The following DOCK2 variants were observed in gnomAD, a reference collection of about 807,000 sequenced individuals.
DOCK2 encodes the protein dedicator of cytokinesis protein 2.
DOCK2 carries 87 observed loss-of-function variants against 248.9 expected under a neutral mutation model. That is an observed-to-expected ratio of 0.35 (90% CI 0.29 to 0.42). DOCK2 has a LOEUF of 0.42. DOCK2 is among the 10% of genes least tolerant of loss of function. The probability of loss-of-function intolerance (pLI) is 1.00; values close to 1 mark genes in which losing one functional copy is unlikely to be tolerated. For synonymous variants in DOCK2, 805 were observed against 821.6 expected, an observed-to-expected ratio of 0.98 and a Z score of 0.35; for missense variants, 1,747 against 2,300.2, an observed-to-expected ratio of 0.76 and a Z score of 4.92.
intron 34 of DOCK2, among the ~76,000 whole-genome samples, chr5:170,032,970 A>G (rs1756193568): frequency 6.6e-6 from 1 of 152,082 alleles, no homozygotes; most frequent in South Asian, 2.1e-4. Context: ...TGTGGGAAAA[A>G]TATCTCCCCT....
chr5:169,974,633 T>G lies in DOCK2; in HGVS notation c.2800-8435T>G, dbSNP rs146093580. On this transcript the variant is annotated intron_variant, in intron 27 of 51. Transcript: ENST00000520908. ...GTGGGAGCGGAGCTGCTTAGGATCC[T>G]TATCCAGAGCTCCATACCCTAGCAA... Among the ~76,000 whole-genome samples the G allele has an allele frequency of 6.5e-4, 99 of 152,272 alleles. No homozygotes were observed. In the East Asian group the frequency reaches 0.018, roughly 28 times the overall value.
chr5:169,708,374 G>A (rs1455749070), intron 15 of DOCK2, 107 bp downstream of exon 15: 9 of 1,119,278 alleles, frequency 8.0e-6, no homozygotes, highest in African/African-American at 1.6e-5. Context: ...CAACAGCCGT[G>A]TGAGGTTTGT....
chr5:170,008,477 C>G lies in DOCK2; in HGVS notation c.3073-20C>G, dbSNP rs752312092. On this transcript the variant is annotated intron_variant, in intron 30 of 51. Coordinates refer to ENST00000520908, the MANE Select transcript of DOCK2 (RefSeq NM_004946.3). ...GCTTCAGACCCTCTCCATAACTGTT[C>G]TCTGCTCTTTCATTTACAGCTGTGG... 4 of 1,613,598 alleles carry G rather than the reference C, an allele frequency of 2.5e-6. No homozygotes were observed. Among genetic ancestry groups the G allele is most frequent in the East Asian group, 2.2e-5 (1 of 44,876 alleles).
Position 170,057,612 on chromosome 5 carries a change from T to C in DOCK2, c.4413T>C (p.Thr1471=). The change falls in exon 44 of 52, where the codon ACT becomes ACC. Residue 1471 remains threonine, a synonymous_variant. Coordinates refer to ENST00000520908, the MANE Select transcript of DOCK2 (RefSeq NM_004946.3). The part of the protein sequence containing the change: ...SMWIERTSFV[T]AYKLPGILRW... ...GGATTGAGAGAACCTCCTTCGTGACTGCATACAAGCTGCCGGGGATCCTGC... is the reference window on the plus strand; with the variant it reads ...GGATTGAGAGAACCTCCTTCGTGACCGCATACAAGCTGCCGGGGATCCTGC... 6.2e-7 allele frequency: 1 copy of C among 1,614,146 alleles called. No individual in the cohort carries two copies. Among genetic ancestry groups the C allele is most frequent in the Non-Finnish European group, 8.5e-7 (1 of 1,179,994 alleles).
intron 1 of DOCK2, among the ~76,000 whole-genome samples, chr5:169,645,746 T>A (rs879611142): frequency 3.9e-5 from 6 of 152,042 alleles, no homozygotes; most frequent in Non-Finnish European, 5.9e-5. Flanking sequence ...GGTTTTAAAT[T>A]TTTATTTATT....
intron 27 of DOCK2, among the ~76,000 whole-genome samples, chr5:169,914,587 G>A (rs754659785): frequency 1.2e-4 from 18 of 152,202 alleles, no homozygotes; most frequent in Non-Finnish European, 2.2e-4. Flanking sequence ...CCTGCACAGT[G>A]TCTTAAAAAT....
At chr5:170,057,973 T>G (rs1157831047) in intron 44 of DOCK2, among the ~76,000 whole-genome samples, 1 of 152,120 alleles carries the variant, frequency 6.6e-6, no homozygotes, top group Non-Finnish European at 1.5e-5. Flanking sequence ...ACACAATCAT[T>G]AATCATTTCC....
At chr5:169,730,342 G>A (rs1017098012) in intron 22 of DOCK2, among the ~76,000 whole-genome samples, 4 of 152,212 alleles carry the variant, frequency 2.6e-5, no homozygotes, top group Non-Finnish European at 4.4e-5. Context: ...AAAGCTATGA[G>A]CAAGTGCTCT....
chr5:169,751,717 A>T (rs1473445), intron 23 of DOCK2, among the ~76,000 whole-genome samples: 14,380 of 152,216 alleles, frequency 0.094, 1,216 homozygotes, highest in Admixed American at 0.28. Flanking sequence ...TCGGCGTGGC[A>T]GCAGCTCACC....
At position 170,081,948 on chromosome 5, in the gene DOCK2, C is replaced by T. The variant is rs1355184956; in HGVS notation, c.5394C>T (p.Leu1798=). 2.5e-5 allele frequency: 41 copies of T among 1,614,032 alleles called. 1 individual carries two copies. Among genetic ancestry groups the T allele is most frequent in the Non-Finnish European group, 3.3e-5 (39 of 1,180,022 alleles). The change falls in exon 51 of 52, where the codon CTC becomes CTT. Residue 1798 remains leucine (L), a synonymous_variant. Transcript: ENST00000520908. ...TCTCAGATGGTGACAAGAAGACACT[C>T]ACACGGAAGAAGGTCAATCAGTTCT... The part of the protein sequence containing the change: ...LQLSDGDKKT[L]TRKKVNQFFK...
intron 41 of DOCK2, among the ~76,000 whole-genome samples, chr5:170,052,244 A>G (rs1367798466): frequency 6.6e-6 from 1 of 152,182 alleles, no homozygotes; most frequent in East Asian, 1.9e-4. Context: ...TACCTGCTCT[A>G]CCATGGTTAT....
At chr5:169,999,275 C>A (rs916651399) in intron 30 of DOCK2, among the ~76,000 whole-genome samples, 1 of 152,176 alleles carries the variant, frequency 6.6e-6, no homozygotes, top group African/African-American at 2.4e-5. Context: ...TACTTCATCT[C>A]TATGTGCCTC....
rs1757760417 is a variant in DOCK2 at position 170,073,971 on chromosome 5, T to TCTGTGGAAGAGGTGGG, written c.4729-1976_4729-1975insCTGTGGAAGAGGTGGG. ...CTCTCACCTTTATTATTTTCATTCC[T>TCTGTGGAAGAGGTGGG]TTTCTCCCTTTGAATTTAGTTCGCT... On this transcript the variant is annotated intron_variant, in intron 46 of 51. Coordinates refer to ENST00000520908, the MANE Select transcript of DOCK2 (RefSeq NM_004946.3). 7.2e-5 allele frequency among the ~76,000 whole-genome samples: 11 copies of TCTGTGGAAGAGGTGGG among 152,160 alleles called. No individual in the cohort carries two copies. In the South Asian group the frequency reaches 2.1e-3, roughly 29 times the overall value.
intron 27 of DOCK2, among the ~76,000 whole-genome samples, chr5:169,916,212 C>T (rs1193949411): frequency 1.1e-4 from 16 of 152,178 alleles, no homozygotes; most frequent in African/African-American, 3.9e-4. Context: ...GGGATTCATA[C>T]GGAACCTCTT....
chr5:169,709,346 CCTT>C (rs1210139198), intron 15 of DOCK2, among the ~76,000 whole-genome samples: 1 of 152,080 alleles, frequency 6.6e-6, no homozygotes, highest in Non-Finnish European at 1.5e-5. Context: ...CCCTCCAGGT[CCTT>C]CTCATATGGC....
Position 170,018,067 on chromosome 5 carries a change from G to T in DOCK2, c.3233-893G>T, listed in dbSNP as rs941258199. Among the ~76,000 whole-genome samples, 3 of 152,174 alleles carry T rather than the reference G, an allele frequency of 2.0e-5. No individual in the cohort carries two copies. The East Asian group carries it at 5.8e-4, about 29-fold the overall frequency. Reference sequence around the variant, plus strand: ...GGAGAACAGACATGGTCTCTAGTGGGGGAGGCAGATGTTAATCAAACGATT... The same window carrying T: ...GGAGAACAGACATGGTCTCTAGTGGTGGAGGCAGATGTTAATCAAACGATT... On this transcript the variant is annotated intron_variant, in intron 32 of 51. Coordinates refer to ENST00000520908, the MANE Select transcript of DOCK2 (RefSeq NM_004946.3).
chr5:169,738,287 A>G (rs1364180251), intron 22 of DOCK2, among the ~76,000 whole-genome samples: 2 of 152,216 alleles, frequency 1.3e-5, no homozygotes, highest in African/African-American at 2.4e-5. Context: ...CCCTCTGACC[A>G]TTATGTAGAA....
intron 29 of DOCK2, among the ~76,000 whole-genome samples, chr5:169,994,478 G>A (rs1778285763): frequency 6.6e-6 from 1 of 152,206 alleles, no homozygotes; most frequent in Non-Finnish European, 1.5e-5. Context: ...CACACAGACA[G>A]CTGGATGTAA....
intron 24 of DOCK2, among the ~76,000 whole-genome samples, chr5:169,760,354 G>A (rs928695357): frequency 1.3e-5 from 2 of 152,174 alleles, no homozygotes; most frequent in South Asian, 4.1e-4. Flanking sequence ...ATTTAGAAGA[G>A]AGTTGCAAAG....
Sources: allele counts gnomAD v4.1 joint callset (sites outside exome capture counted in the v4.1 genomes callset), GRCh38; gene constraint gnomAD v4.1.1; transcripts MANE v1.5; gene names NCBI Gene and HGNC (gene_info 2026-07-23, HGNC 2026-07-21).